SWT1: variants seen among roughly 807,000 people sequenced by gnomAD.
SWT1 encodes transcriptional protein SWT1.
A neutral mutation model predicts 107.3 loss-of-function variants in SWT1; 33 were observed. The ratio of observed to expected loss-of-function variants is 0.31; its 90% CI spans 0.23 to 0.41. SWT1 has a LOEUF of 0.41. SWT1 is among the 10% of genes least tolerant of loss of function. The probability of loss-of-function intolerance (pLI) is 1.00; values close to 1 mark genes in which losing one functional copy is unlikely to be tolerated. For synonymous variants in SWT1, 345 were observed against 348.3 expected (o/e 0.99, Z 0.11); for missense variants, 898 against 1,028.9 (o/e 0.87, Z 1.74).
intron 5 of SWT1, among the ~76,000 whole-genome samples, chr1:185,178,456 T>C (rs1655750146): frequency 1.3e-5 from 2 of 152,222 alleles, no homozygotes; most frequent in South Asian, 2.1e-4. Context: ...TGGAATCACT[T>C]TGGTAGATAG....
intron 9 of SWT1, among the ~76,000 whole-genome samples, chr1:185,188,339 A>T (rs1656672770): frequency 6.6e-6 from 1 of 152,222 alleles, no homozygotes; most frequent in Non-Finnish European, 1.5e-5. Context: ...ACAGCAGTGC[A>T]CTGTTACTTT....
At position 185,258,105 on chromosome 1, in the gene SWT1, C is replaced by A. The variant is rs187828426; in HGVS notation, c.2442-13218C>A. The A allele has an allele frequency of 9.2e-5, 14 of 152,188 alleles. 1 individual carries two copies. The highest frequency in any genetic ancestry group is 3.4e-4 in the African/African-American group (14 of 41,540). The allele number at this position is 152,188 out of a possible 1,614,324, so 9.4% of individuals were successfully genotyped here. A position where few individuals can be genotyped will look rare whatever the true frequency, so the allele number is the denominator to read the frequency against. On this transcript the variant is annotated intron_variant, in intron 16 of 18. Transcript: ENST00000367500. ...TACTGTTGTTAGTTTTTCTAATTCT[C>A]CTTTTTATCTCTCTACTAGTTCGGA... is the stretch of plus-strand genomic sequence containing the variant.
In SWT1 at chr1:185,201,025, C is replaced by T. The variant is rs1392016064; in HGVS notation, c.1524-1629C>T. The stretch of plus-strand genomic sequence containing the variant: ...TGCGGTGGGCTTTGCCGAGTCTAAA[C>T]TTCCTGGGGGCTTTGTTTACACTGT... On this transcript the variant is annotated intron_variant, in intron 10 of 18. Coordinates refer to ENST00000367500, the MANE Select transcript of SWT1 (RefSeq NM_017673.7). Among the ~76,000 whole-genome samples the T allele has an allele frequency of 2.0e-5, 3 of 152,122 alleles. No homozygotes were observed. In the East Asian group the frequency reaches 5.8e-4, roughly 29 times the overall value.
At chr1:185,272,039 G>A (rs1225192826) in intron 17 of SWT1, among the ~76,000 whole-genome samples, 4 of 152,206 alleles carry the variant, frequency 2.6e-5, no homozygotes, top group Admixed American at 2.6e-4. Flanking sequence ...CTAAATGCCT[G>A]TAGCGATACC....
At chr1:185,275,085 A>G (rs1571689561) in intron 17 of SWT1, among the ~76,000 whole-genome samples, 1 of 152,228 alleles carries the variant, frequency 6.6e-6, no homozygotes, top group African/African-American at 2.4e-5. Context: ...AAAAAGATCT[A>G]TTAAAAGCTT....
intron 13 of SWT1, among the ~76,000 whole-genome samples, chr1:185,211,548 T>TATAA (rs1210497091): frequency 3.3e-5 from 5 of 151,862 alleles, no homozygotes; most frequent in African/African-American, 1.2e-4. Flanking sequence ...AAAGCGGTTT[T>TATAA]ATAAACAACA....
chr1:185,180,420 A>G lies in SWT1; in HGVS notation c.996A>G (p.Ser332=). Residue 332 remains serine (S), a synonymous_variant, in exon 6 of 19, where the codon TCA becomes TCG. Transcript: ENST00000367500. ...QSFEAPCCSV[S]SESIQDADQE... Reference sequence around the variant, plus strand: ...TTGAAGCACCATGTTGTTCCGTGTCATCTGAAAGTATCCAGGATGCAGATC... The same window carrying G: ...TTGAAGCACCATGTTGTTCCGTGTCGTCTGAAAGTATCCAGGATGCAGATC... 1 of 1,613,434 alleles carries G rather than the reference A, an allele frequency of 6.2e-7. No individual in the cohort carries two copies. Among genetic ancestry groups the G allele is most frequent in the Non-Finnish European group, 8.5e-7 (1 of 1,179,384 alleles).
Position 185,291,584 on chromosome 1 carries a change from T to C in SWT1, c.*781T>C, listed in dbSNP as rs968366705. 6.6e-6 allele frequency: 1 copy of C among 152,656 alleles called. No homozygotes were observed. Among genetic ancestry groups the C allele is most frequent in the African/African-American group, 2.4e-5 (1 of 41,462 alleles). 9.5% of individuals were successfully genotyped at this position (152,656 alleles called of 1,614,324 possible). On this transcript the variant is annotated 3_prime_UTR_variant, in exon 19 of 19. Coordinates refer to ENST00000367500, the MANE Select transcript of SWT1 (RefSeq NM_017673.7). ...ATAGGATAAGTTGGAAGTCCTTGTT[T>C]ACTGGAATATATTATGCTTTTGTTA...
chr1:185,203,139 AAC>A (rs1411170907), intron 11 of SWT1, among the ~76,000 whole-genome samples: 1 of 152,220 alleles, frequency 6.6e-6, no homozygotes, highest in Non-Finnish European at 1.5e-5. Context: ...CTTCAAGTGA[AAC>A]AGAGTATTCC....
rs59069576 is a variant in SWT1 at position 185,262,190 on chromosome 1, T to G, written c.2442-9133T>G. 264 of 152,292 alleles carry G rather than the reference T, an allele frequency of 1.7e-3. 1 individual carries two copies. The highest frequency in any genetic ancestry group is 6.1e-3 in the African/African-American group (254 of 41,558). The allele number at this position is 152,292 out of a possible 1,614,324, so 9.4% of individuals were successfully genotyped here. On this transcript the variant is annotated intron_variant, in intron 16 of 18. Transcript: ENST00000367500. ...GGAGAATCATTAGGTATTGTGTAGA[T>G]TTAGCTGGCAGTATCTGGTTTCATA...
intron 2 of SWT1, among the ~76,000 whole-genome samples, chr1:185,162,454 T>C (rs968222746): frequency 1.3e-5 from 2 of 152,186 alleles, no homozygotes; most frequent in African/African-American, 2.4e-5. Flanking sequence ...CTGATTTTCC[T>C]CCTTATTGGT....
intron 14 of SWT1, among the ~76,000 whole-genome samples, chr1:185,219,444 C>A (rs892991347): frequency 6.6e-6 from 1 of 152,038 alleles, no homozygotes; most frequent in African/African-American, 2.4e-5. Context: ...TTAACTGTTA[C>A]TACTGATAGT....
chr1:185,175,621 T>C (rs979431437), intron 5 of SWT1, among the ~76,000 whole-genome samples: 2 of 152,226 alleles, frequency 1.3e-5, no homozygotes, highest in African/African-American at 4.8e-5. Context: ...TTACTCTCTT[T>C]AATTCCAACT....
intron 5 of SWT1, among the ~76,000 whole-genome samples, chr1:185,178,356 C>T (rs538831711): frequency 6.6e-6 from 1 of 151,944 alleles, no homozygotes; most frequent in East Asian, 1.9e-4. Context: ...TGGATGATTT[C>T]GTATCATGGG....
intron 2 of SWT1, among the ~76,000 whole-genome samples, chr1:185,162,103 A>G (rs895413839): frequency 6.6e-6 from 1 of 152,210 alleles, no homozygotes; most frequent in Non-Finnish European, 1.5e-5. Context: ...ACACTGAAGC[A>G]TGGCCATACA....
chr1:185,195,224 C>T (rs1657285319), intron 10 of SWT1, among the ~76,000 whole-genome samples: 1 of 152,156 alleles, frequency 6.6e-6, no homozygotes, highest in Non-Finnish European at 1.5e-5. Context: ...GTTCAACTCC[C>T]ACTTAAGAGT....
At chr1:185,173,143 T>A (rs924379301) in intron 4 of SWT1, among the ~76,000 whole-genome samples, 2 of 152,074 alleles carry the variant, frequency 1.3e-5, no homozygotes, top group African/African-American at 4.8e-5. Flanking sequence ...GTTTATTAGC[T>A]GTTTTCTTTT....
intron 16 of SWT1, among the ~76,000 whole-genome samples, chr1:185,261,238 A>G (rs954342329): frequency 1.3e-5 from 2 of 152,158 alleles, no homozygotes; most frequent in Non-Finnish European, 2.9e-5. Flanking sequence ...GGTACCTAAT[A>G]TGAGTAAAAT....
chr1:185,279,108 T>G (rs1335453548), intron 18 of SWT1, among the ~76,000 whole-genome samples: 1 of 152,258 alleles, frequency 6.6e-6, no homozygotes, highest in Admixed American at 6.5e-5. Flanking sequence ...GAAAATGTTT[T>G]CTTGCCCTAA....
Sources: gnomAD v4.1 joint callset for allele counts (sites outside exome capture counted in the v4.1 genomes callset) on GRCh38, gnomAD v4.1.1 for gene constraint, MANE v1.5 for transcripts, NCBI Gene and HGNC (gene_info 2026-07-23, HGNC 2026-07-21) for gene names.